ADAM29: variants seen among roughly 807,000 people sequenced by gnomAD.
ADAM29 encodes disintegrin and metalloproteinase domain-containing protein 29.
For missense variants in ADAM29, 969 were observed against 1,001.8 expected, an observed-to-expected ratio of 0.97 and a Z score of 0.44; for synonymous variants, 367 against 342.3, an observed-to-expected ratio of 1.07 and a Z score of -0.80.
chr4:174,936,244 C>G (rs1371521391), intron 3 of ADAM29, among the ~76,000 whole-genome samples: 2 of 151,882 alleles, frequency 1.3e-5, no homozygotes, highest in African/African-American at 4.8e-5. Context: ...GACTTGAATT[C>G]CCAAATAAAA....
chr4:174,924,098 A>G (rs955623100), intron 2 of ADAM29: 1 of 152,220 alleles, frequency 6.6e-6, no homozygotes, highest in Non-Finnish European at 1.5e-5. Flanking sequence ...ATGCAAAAAT[A>G]CAAAAGAAAT....
intron 2 of ADAM29, among the ~76,000 whole-genome samples, chr4:174,928,681 T>G (rs1461502125): frequency 6.6e-6 from 1 of 151,136 alleles, no homozygotes; most frequent in Non-Finnish European, 1.5e-5. Context: ...AAACAAAAGA[T>G]GGGACAGTTT....
At chr4:174,974,585 T>C (rs1463631079) in intron 4 of ADAM29, among the ~76,000 whole-genome samples, 1 of 152,248 alleles carries the variant, frequency 6.6e-6, no homozygotes, top group Non-Finnish European at 1.5e-5. Context: ...TCATAGATGT[T>C]GAATAATGTT....
intron 4 of ADAM29, among the ~76,000 whole-genome samples, chr4:174,960,666 G>T (rs1019090326): frequency 6.6e-6 from 1 of 152,024 alleles, no homozygotes; most frequent in Non-Finnish European, 1.5e-5. Context: ...TGTTTTGGAC[G>T]CCTCTTTGAT....
intron 4 of ADAM29, among the ~76,000 whole-genome samples, chr4:174,938,317 A>G (rs1744317948): frequency 6.6e-6 from 1 of 152,130 alleles, no homozygotes; most frequent in Non-Finnish European, 1.5e-5. Flanking sequence ...GATGGAACAG[A>G]GAGAAATGGA....
At chr4:174,965,199 A>G (rs1299988234) in intron 4 of ADAM29, among the ~76,000 whole-genome samples, 1 of 152,064 alleles carries the variant, frequency 6.6e-6, no homozygotes, top group Non-Finnish European at 1.5e-5. Context: ...CCTCCGTGGC[A>G]GAAAGCAGAA....
intron 4 of ADAM29, among the ~76,000 whole-genome samples, chr4:174,942,562 T>TG (rs150080250): frequency 0.027 from 4,176 of 152,204 alleles, 182 homozygotes; most frequent in African/African-American, 0.093. Context: ...TAGCCACAGC[T>TG]GGAGCTGGAG....
intron 4 of ADAM29, among the ~76,000 whole-genome samples, chr4:174,966,311 G>A (rs4550895): frequency 2.6e-5 from 4 of 151,884 alleles, no homozygotes; most frequent in South Asian, 2.1e-4. Flanking sequence ...TTTAACAGCC[G>A]CATGAGCCTT....
intron 4 of ADAM29, among the ~76,000 whole-genome samples, chr4:174,962,662 G>A (rs1360210414): frequency 6.6e-6 from 1 of 151,936 alleles, no homozygotes; most frequent in Non-Finnish European, 1.5e-5. Context: ...ACTGTGTTAG[G>A]TTATACATTT....
chr4:174,970,958 A>T (rs938432088), intron 4 of ADAM29, among the ~76,000 whole-genome samples: 5 of 152,148 alleles, frequency 3.3e-5, no homozygotes, highest in Non-Finnish European at 5.9e-5. Context: ...AATAGCACAC[A>T]GAAACTCTAG....
chr4:174,968,771 C>CCACA (rs36211576), intron 4 of ADAM29, among the ~76,000 whole-genome samples: 8,209 of 148,702 alleles, frequency 0.055, 255 homozygotes, highest in Non-Finnish European at 0.068. Flanking sequence ...CACTTTCCGC[C>CCACA]CACACACACA....
Position 174,963,543 on chromosome 4 carries a change from A to G in ADAM29, c.-180-11803A>G, listed in dbSNP as rs144147538. Among the ~76,000 whole-genome samples the G allele has an allele frequency of 5.3e-5, 8 of 152,358 alleles. No homozygotes were observed. In the East Asian group the frequency reaches 1.3e-3, roughly 26 times the overall value. On this transcript the variant is annotated intron_variant, in intron 4 of 4. Transcript: ENST00000359240. The stretch of plus-strand genomic sequence containing the variant: ...ATAAACCACATATAGCAAAATCCTG[A>G]TAAGTTGGGAAATAAAGAGATTCAC...
chr4:174,977,221 A>C lies in ADAM29; in HGVS notation c.1696A>C (p.Ser566Arg), dbSNP rs1746885663. The C allele has an allele frequency of 1.2e-6, 2 of 1,614,116 alleles. No individual in the cohort carries two copies. Among genetic ancestry groups the C allele is most frequent in the Non-Finnish European group, 1.7e-6 (2 of 1,180,044 alleles). Residue 566 changes from serine to arginine, a missense_variant, in exon 5 of 5, where the codon AGT becomes CGT. Coordinates refer to ENST00000359240, the MANE Select transcript of ADAM29 (RefSeq NM_014269.4). Reference protein sequence around the residue: ...CENVTEIPNMSDHTTVHWARF... With the variant: ...CENVTEIPNMRDHTTVHWARF... ...GAATGTGACAGAAATTCCCAATATGAGTGATCATACTACTGTGCATTGGGC... is the reference window on the plus strand; with the variant it reads ...GAATGTGACAGAAATTCCCAATATGCGTGATCATACTACTGTGCATTGGGC...
At chr4:174,919,408 G>T (rs183365606) in intron 1 of ADAM29, among the ~76,000 whole-genome samples, 3 of 152,202 alleles carry the variant, frequency 2.0e-5, no homozygotes, top group African/African-American at 7.2e-5. Flanking sequence ...AGAGTTAGGC[G>T]CAAAAAGCAA....
In ADAM29 at chr4:174,977,611, C is replaced by T. The variant is rs1438157764; in HGVS notation, c.2086C>T (p.Arg696Ter). ...VLFILLCCLY[R>*]LCKKSKPIKK... Reference sequence around the variant, plus strand: ...GTTTATTTTATTATGTTGTCTTTATCGACTTTGTAAAAAAAGTAAACCAAT... The same window carrying T: ...GTTTATTTTATTATGTTGTCTTTATTGACTTTGTAAAAAAAGTAAACCAAT... The change falls in exon 5 of 5, where the codon CGA becomes TGA. Residue 696 changes from arginine (R) to a stop codon, truncating the protein, a stop_gained. Coordinates refer to ENST00000359240, the MANE Select transcript of ADAM29 (RefSeq NM_014269.4). LOFTEE classifies it low-confidence loss of function (END_TRUNC). 2 of 1,613,626 alleles carry T rather than the reference C, an allele frequency of 1.2e-6. No homozygotes were observed. The highest frequency in any genetic ancestry group is 1.3e-5 in the African/African-American group (1 of 74,822).
At chr4:174,935,924 T>G (rs1744174140) in intron 3 of ADAM29, among the ~76,000 whole-genome samples, 1 of 152,080 alleles carries the variant, frequency 6.6e-6, no homozygotes, top group African/African-American at 2.4e-5. Context: ...ATGTTTGCAC[T>G]GGTAGAAACA....
chr4:174,944,346 T>C (rs1466934134), intron 4 of ADAM29, among the ~76,000 whole-genome samples: 2 of 152,166 alleles, frequency 1.3e-5, no homozygotes, highest in African/African-American at 4.8e-5. Flanking sequence ...AAAAATTAAA[T>C]TGTTTTTGTA....
intron 3 of ADAM29, among the ~76,000 whole-genome samples, chr4:174,932,307 G>A (rs1352533770): frequency 2.0e-5 from 3 of 150,156 alleles, no homozygotes; most frequent in East Asian, 4.0e-4. Flanking sequence ...GAAAAAAAAA[G>A]GAATGACAAT....
At chr4:174,970,669 T>C (rs1398177685) in intron 4 of ADAM29, among the ~76,000 whole-genome samples, 1 of 152,104 alleles carries the variant, frequency 6.6e-6, no homozygotes, top group Non-Finnish European at 1.5e-5. Context: ...ATTGTGGTAA[T>C]TTTTTACAGC....
Sources: gnomAD v4.1 joint callset for allele counts (sites outside exome capture counted in the v4.1 genomes callset) on GRCh38, gnomAD v4.1.1 for gene constraint, MANE v1.5 for transcripts, NCBI Gene and HGNC (gene_info 2026-07-23, HGNC 2026-07-21) for gene names.